PRDM5: variants seen among roughly 807,000 people sequenced by gnomAD.
PRDM5 encodes PR domain zinc finger protein 5.
In PRDM5, 56 loss-of-function variants were observed where a neutral mutation model predicts 81.2. The ratio of observed to expected loss-of-function variants is 0.69; its 90% CI spans 0.56 to 0.86. The LOEUF (loss-of-function observed/expected upper bound fraction) is 0.86. PRDM5 is among the 40% of genes least tolerant of loss of function. The pLI, the probability that PRDM5 is intolerant of heterozygous loss-of-function variation, is 0.00. For missense variants in PRDM5, 697 were observed against 770.1 expected, an observed-to-expected ratio of 0.91 and a Z score of 1.12; for synonymous variants, 267 against 256.4, an observed-to-expected ratio of 1.04 and a Z score of -0.39.
chr4:120,850,416 TC>T (rs2149412398), intron 3 of PRDM5, among the ~76,000 whole-genome samples: 1 of 152,280 alleles, frequency 6.6e-6, no homozygotes, highest in Admixed American at 6.5e-5. Flanking sequence ...TATTATGCTC[TC>T]TGCCTTTAGC....
At chr4:120,912,458 A>G (rs1441598788) in intron 1 of PRDM5, among the ~76,000 whole-genome samples, 1 of 152,194 alleles carries the variant, frequency 6.6e-6, no homozygotes, top group Admixed American at 6.6e-5. Flanking sequence ...GAGATATTCT[A>G]CAACTGACAT....
intron 2 of PRDM5, among the ~76,000 whole-genome samples, chr4:120,900,887 A>G (rs1280483743): frequency 1.3e-5 from 2 of 152,264 alleles, no homozygotes; most frequent in East Asian, 3.9e-4. Flanking sequence ...TTAAAGGTAA[A>G]AAGATTATAT....
chr4:120,755,783 A>G (rs1329811707), intron 13 of PRDM5, among the ~76,000 whole-genome samples: 3 of 152,096 alleles, frequency 2.0e-5, no homozygotes, highest in Non-Finnish European at 4.4e-5. Context: ...ATGGCCTTGC[A>G]CTGTTCTCCC....
downstream of PRDM5, among the ~76,000 whole-genome samples, chr4:120,687,208 A>C (rs187929047): frequency 3.3e-5 from 5 of 152,228 alleles, no homozygotes; most frequent in Admixed American, 1.3e-4. Context: ...CGGTAGTGTT[A>C]ACTATTGCAT....
chr4:120,805,803 G>A (rs1421118262), intron 8 of PRDM5, among the ~76,000 whole-genome samples: 1 of 152,166 alleles, frequency 6.6e-6, no homozygotes. Flanking sequence ...AGACAGGGAT[G>A]CCCTCTCTCA....
Position 120,733,017 on chromosome 4 carries a change from T to C in PRDM5, c.1623+21536A>G, listed in dbSNP as rs150456150. ...TAGCAAATACCTACAGCCTTAGCAA[T>C]TGTTATAGTTTTACTAGTCTCAACC... On this transcript the variant is annotated intron_variant, in intron 14 of 15. Coordinates refer to ENST00000264808, the MANE Select transcript of PRDM5 (RefSeq NM_018699.4). 1.5e-3 allele frequency among the ~76,000 whole-genome samples: 223 copies of C among 152,324 alleles called. 1 individual carries two copies. The highest frequency in any genetic ancestry group is 5.3e-3 in the African/African-American group (220 of 41,580).
intron 1 of PRDM5, among the ~76,000 whole-genome samples, chr4:120,920,662 T>C (rs1054499100): frequency 2.0e-5 from 3 of 152,252 alleles, no homozygotes; most frequent in African/African-American, 7.2e-5. Context: ...AACCTGTCCA[T>C]GACCTTGTGA....
At chr4:120,904,662 A>G (rs1765600424) in intron 2 of PRDM5, among the ~76,000 whole-genome samples, 1 of 152,206 alleles carries the variant, frequency 6.6e-6, no homozygotes. Context: ...CTACAGGAAT[A>G]GATAATGCAA....
chr4:120,877,200 A>G (rs1038016868), intron 2 of PRDM5, among the ~76,000 whole-genome samples: 15 of 152,228 alleles, frequency 9.9e-5, no homozygotes, highest in Non-Finnish European at 1.8e-4. Flanking sequence ...AAGTTCAGCT[A>G]TATTTTTACG....
intron 2 of PRDM5, among the ~76,000 whole-genome samples, chr4:120,869,631 T>G (rs1163796543): frequency 6.6e-6 from 1 of 151,856 alleles, no homozygotes; most frequent in Non-Finnish European, 1.5e-5. Context: ...AACATAAAAC[T>G]GTAAACTACC....
At chr4:120,890,958 C>T (rs1341665067) in intron 2 of PRDM5, among the ~76,000 whole-genome samples, 2 of 152,132 alleles carry the variant, frequency 1.3e-5, no homozygotes, top group Non-Finnish European at 2.9e-5. Flanking sequence ...TTTTATGGTG[C>T]AGAAGCTCTT....
intron 2 of PRDM5, among the ~76,000 whole-genome samples, chr4:120,903,778 G>T (rs72680480): frequency 0.066 from 10,047 of 152,222 alleles, 479 homozygotes; most frequent in Middle Eastern, 0.19. Context: ...TTTATAAACG[G>T]GAGTTCTCTT....
rs559555998 is a variant in PRDM5 at position 120,757,031 on chromosome 4, T to A, written c.1538-2393A>T. The stretch of plus-strand genomic sequence containing the variant: ...AACAAAAACAAAAGATTTGCAGTTA[T>A]CAGGTAAATAATTATATGTTAATCC... On this transcript the variant is annotated intron_variant, in intron 13 of 15. Coordinates refer to ENST00000264808, the MANE Select transcript of PRDM5 (RefSeq NM_018699.4). 2.6e-4 allele frequency among the ~76,000 whole-genome samples: 40 copies of A among 152,316 alleles called. No homozygotes were observed. In the South Asian group the frequency reaches 3.9e-3, roughly 15 times the overall value.
intron 11 of PRDM5, 51 bp from the exon 12 acceptor site, chr4:120,781,354 T>G (rs1205334892): frequency 6.5e-7 from 1 of 1,536,124 alleles, no homozygotes. Context: ...TCCTATTAAT[T>G]TCCTCCCATG....
At chr4:120,831,452 G>A (rs967472882) in intron 3 of PRDM5, among the ~76,000 whole-genome samples, 18 of 151,638 alleles carry the variant, frequency 1.2e-4, no homozygotes, top group African/African-American at 4.1e-4. Flanking sequence ...AAAACACTGG[G>A]GACAAGTTAC....
At chr4:120,824,436 A>G (rs951217148) in intron 3 of PRDM5, among the ~76,000 whole-genome samples, 2 of 152,196 alleles carry the variant, frequency 1.3e-5, no homozygotes, top group African/African-American at 4.8e-5. Context: ...CCTGCTTGTG[A>G]TTCAAGTCAC....
chr4:120,820,717 C>T (rs368940724), intron 4 of PRDM5, among the ~76,000 whole-genome samples: 4 of 152,174 alleles, frequency 2.6e-5, no homozygotes, highest in African/African-American at 9.7e-5. Flanking sequence ...GGAATCAATC[C>T]CCTTCGGATC....
intron 14 of PRDM5, among the ~76,000 whole-genome samples, chr4:120,719,024 T>C (rs1738208740): frequency 6.6e-6 from 1 of 152,220 alleles, no homozygotes; most frequent in Middle Eastern, 3.2e-3. Flanking sequence ...ACTAAGAAAC[T>C]ATTTGCCAAA....
intron 13 of PRDM5, among the ~76,000 whole-genome samples, chr4:120,774,318 G>C (rs1312018209): frequency 6.6e-6 from 1 of 152,184 alleles, no homozygotes; most frequent in African/African-American, 2.4e-5. Flanking sequence ...CTGTCACCTT[G>C]CTCATGTGAT....
Sources: allele counts gnomAD v4.1 joint callset (sites outside exome capture counted in the v4.1 genomes callset), GRCh38; gene constraint gnomAD v4.1.1; transcripts MANE v1.5; gene names NCBI Gene and HGNC (gene_info 2026-07-23, HGNC 2026-07-21).